Variants in DTNA observed in about 807,000 individuals in gnomAD.
The protein encoded by DTNA is dystrophin-related protein 3.
DTNA carries 43 observed loss-of-function variants against 100.7 expected under a neutral mutation model. The observed-to-expected ratio is 0.43, with a 90% CI of 0.33 to 0.55. The LOEUF (loss-of-function observed/expected upper bound fraction) is 0.55. Among genes scored for constraint, DTNA ranks in the 20% least tolerant of loss-of-function variants. The pLI is 0.04. For synonymous variants in DTNA, 349 were observed against 347.9 expected (o/e 1.00, Z -0.04); for missense variants, 798 against 953.9 (o/e 0.84, Z 2.15).
Position 34,891,575 on chromosome 18 carries a change from T to C in DTNA, c.*3841T>C, listed in dbSNP as rs1036344723. 14 of 152,118 alleles carry C rather than the reference T, an allele frequency of 9.2e-5. No individual in the cohort carries two copies. Among genetic ancestry groups the C allele is most frequent in the African/African-American group, 3.4e-4 (14 of 41,406 alleles). 9.4% of individuals were successfully genotyped at this position (152,118 alleles called of 1,614,324 possible). On this transcript the variant is annotated 3_prime_UTR_variant, in exon 23 of 23. Transcript: ENST00000444659. ...TTCTCTTGCCTTGGGGGATGCATGGTTTTTACCATTCTACTGTTTTATTAG... is the reference window on the plus strand; with the variant it reads ...TTCTCTTGCCTTGGGGGATGCATGGCTTTTACCATTCTACTGTTTTATTAG...
intron 1 of DTNA, chr18:34,679,342 A>G (rs1023749158): frequency 1.3e-5 from 2 of 152,186 alleles, no homozygotes; most frequent in Non-Finnish European, 2.9e-5. Context: ...TACGTTATTA[A>G]TAGAGGATAA....
intron 2 of DTNA, among the ~76,000 whole-genome samples, chr18:34,757,463 G>A (rs1247169750): frequency 6.6e-6 from 1 of 151,962 alleles, no homozygotes; most frequent in Non-Finnish European, 1.5e-5. Flanking sequence ...TAAAATCTGG[G>A]GAAAAATATT....
At chr18:34,861,777 T>C (rs2096630900) in intron 16 of DTNA, among the ~76,000 whole-genome samples, 1 of 152,168 alleles carries the variant, frequency 6.6e-6, no homozygotes, top group Admixed American at 6.5e-5. Flanking sequence ...TGTCATATTT[T>C]TAAGAGATTA....
intron 1 of DTNA, among the ~76,000 whole-genome samples, chr18:34,611,931 G>T (rs957618876): frequency 1.3e-5 from 2 of 152,222 alleles, no homozygotes; most frequent in Non-Finnish European, 2.9e-5. Flanking sequence ...GAGCTGGGCT[G>T]GTGGCACTGG....
At chr18:34,501,345 T>C (rs1436099792) in intron 1 of DTNA, among the ~76,000 whole-genome samples, 1 of 152,204 alleles carries the variant, frequency 6.6e-6, no homozygotes, top group Non-Finnish European at 1.5e-5. Flanking sequence ...ATTCTTTGTA[T>C]GAATTACTGA....
At chr18:34,747,558 A>G (rs1249125328) in intron 1 of DTNA, among the ~76,000 whole-genome samples, 1 of 152,038 alleles carries the variant, frequency 6.6e-6, no homozygotes, top group East Asian at 1.9e-4. Context: ...GCATCCTCAT[A>G]GCTTAGCTCC....
chr18:34,630,929 C>T (rs559885580), intron 1 of DTNA, among the ~76,000 whole-genome samples: 113 of 151,944 alleles, frequency 7.4e-4, no homozygotes, highest in Non-Finnish European at 1.4e-3. Context: ...GATGAAACTA[C>T]CCAGGGAGAG....
At chr18:34,822,744 A>G (rs747216617) in intron 9 of DTNA, among the ~76,000 whole-genome samples, 2 of 152,156 alleles carry the variant, frequency 1.3e-5, no homozygotes, top group African/African-American at 2.4e-5. Flanking sequence ...GGGCAATATA[A>G]TCTGTTTTGT....
intron 1 of DTNA, among the ~76,000 whole-genome samples, chr18:34,529,554 TAACA>T (rs1379048989): frequency 1.3e-5 from 2 of 152,080 alleles, no homozygotes; most frequent in African/African-American, 2.4e-5. Flanking sequence ...CATAAGAGAA[TAACA>T]AACAAATCAG....
At chr18:34,843,372 GC>G (rs992588145) in intron 13 of DTNA, among the ~76,000 whole-genome samples, 1 of 151,838 alleles carries the variant, frequency 6.6e-6, no homozygotes, top group Non-Finnish European at 1.5e-5. Context: ...TAATTTTAAT[GC>G]CCCCCTAGAT....
At chr18:34,675,219 A>G (rs2077255450) in intron 1 of DTNA, among the ~76,000 whole-genome samples, 1 of 152,032 alleles carries the variant, frequency 6.6e-6, no homozygotes, top group African/African-American at 2.4e-5. Context: ...ACCTGTACCT[A>G]CTAGATGCCA....
intron 1 of DTNA, among the ~76,000 whole-genome samples, chr18:34,570,937 A>G (rs1478573235): frequency 6.6e-6 from 1 of 152,216 alleles, no homozygotes. Context: ...GCTATGAGGT[A>G]CTTTGTAAGC....
In DTNA at chr18:34,851,850, G is replaced by C. The variant is rs190619495; in HGVS notation, c.1454G>C (p.Ser485Thr). The C allele has an allele frequency of 9.5e-5, 154 of 1,614,060 alleles. 1 individual carries two copies. The Admixed American group carries it at 2.5e-3, about 26-fold the overall frequency. ...SSSSQPPQQR[S>T]APDISFTIDA... ...TTACAGCAGCCACCTCAGCAGAGAA[G>C]TGCTCCTGACATCTCTTTCACCATC... The change falls in exon 15 of 23, where the codon AGT becomes ACT. Residue 485 changes from serine (S) to threonine (T), a missense_variant. Physicochemically the swap from Ser to Thr is moderately conservative, Grantham distance 58. Coordinates refer to ENST00000444659, the MANE Select transcript of DTNA (RefSeq NM_001386795.1).
intron 3 of DTNA, among the ~76,000 whole-genome samples, chr18:34,778,984 A>ATT (rs567464632): frequency 9.8e-4 from 145 of 147,442 alleles, no homozygotes; most frequent in African/African-American, 3.3e-3. Flanking sequence ...TGCCCAGCTA[A>ATT]TTTTTTTTTT....
chr18:34,664,033 A>G (rs576767026), intron 1 of DTNA, among the ~76,000 whole-genome samples: 3 of 152,216 alleles, frequency 2.0e-5, no homozygotes, highest in African/African-American at 7.2e-5. Context: ...TCCACATTCC[A>G]TTTTTAAGGA....
chr18:34,533,953 G>A (rs1471841457), intron 1 of DTNA, among the ~76,000 whole-genome samples: 1 of 152,094 alleles, frequency 6.6e-6, no homozygotes, highest in African/African-American at 2.4e-5. Flanking sequence ...AGAAATGAAT[G>A]AATTTTTAAG....
chr18:34,770,241 C>T (rs1348990698), intron 3 of DTNA, among the ~76,000 whole-genome samples: 1 of 151,924 alleles, frequency 6.6e-6, no homozygotes, highest in African/African-American at 2.4e-5. Flanking sequence ...AGATTGTTTA[C>T]TTTTAGGTCC....
intron 1 of DTNA, among the ~76,000 whole-genome samples, chr18:34,520,063 G>A (rs113882905): frequency 1.4e-3 from 217 of 152,232 alleles, no homozygotes; most frequent in Middle Eastern, 0.01. Flanking sequence ...TCTGTGATTT[G>A]TGGCCTCCAA....
intron 1 of DTNA, among the ~76,000 whole-genome samples, chr18:34,584,777 G>C (rs538199542): frequency 3.3e-5 from 5 of 152,200 alleles, no homozygotes; most frequent in Admixed American, 2.6e-4. Context: ...GAACACCAGG[G>C]ATAAAGAAGA....
Sources: gnomAD v4.1 joint callset for allele counts (sites outside exome capture counted in the v4.1 genomes callset) on GRCh38, gnomAD v4.1.1 for gene constraint, MANE v1.5 for transcripts, NCBI Gene and HGNC (gene_info 2026-07-23, HGNC 2026-07-21) for gene names.